C11orf54: variants seen among roughly 807,000 people sequenced by gnomAD.
C11orf54 encodes beta-keto-L-gulonate decarboxylase, also known as beta-keto L-gulonate decarboxylase.
In C11orf54, 29 loss-of-function variants were observed where a neutral mutation model predicts 35.5. The ratio of observed to expected loss-of-function variants is 0.82; its 90% confidence interval spans 0.61 to 1.11. The LOEUF is 1.11. Among genes scored for constraint, C11orf54 ranks in the 50% most tolerant of loss-of-function variants. The probability of loss-of-function intolerance (pLI) is 0.00; values close to 1 mark genes in which losing one functional copy is unlikely to be tolerated. For missense variants in C11orf54, 373 were observed against 369.2 expected, an observed-to-expected ratio of 1.01 and a Z score of -0.08; for synonymous variants, 108 against 121.1, an observed-to-expected ratio of 0.89 and a Z score of 0.71.
rs1943493753 is a variant in C11orf54 at position 93,761,810 on chromosome 11, C to G, written c.*122C>G. On this transcript the variant is annotated 3_prime_UTR_variant, in exon 9 of 9. Transcript: ENST00000354421. Reference sequence around the variant, plus strand: ...ACAGGCCAGGCACAATGGCTCATGCCTATAATCCCAGCACTTTGGGAGGCT... The same window carrying G: ...ACAGGCCAGGCACAATGGCTCATGCGTATAATCCCAGCACTTTGGGAGGCT... 5.1e-6 allele frequency: 5 copies of G among 979,824 alleles called. No individual in the cohort carries two copies. The East Asian group carries it at 1.5e-4, about 30-fold the overall frequency. 60.7% of individuals were successfully genotyped at this position (979,824 alleles called of 1,614,324 possible). A position where few individuals can be genotyped will look rare whatever the true frequency, so the allele number is the denominator to read the frequency against.
At chr11:93,750,023 A>G (rs1482573939) in intron 2 of C11orf54, among the ~76,000 whole-genome samples, 2 of 152,170 alleles carry the variant, frequency 1.3e-5, no homozygotes, top group Non-Finnish European at 2.9e-5. Context: ...TTACTTTTTA[A>G]AAAGTTTAAA....
At chr11:93,746,081 A>G (rs749985642) in intron 1 of C11orf54, 12 of 152,254 alleles carry the variant, frequency 7.9e-5, no homozygotes, top group Non-Finnish European at 1.6e-4. Context: ...ATAAAGTACT[A>G]AAGTAAATAT....
At position 93,759,856 on chromosome 11, in the gene C11orf54, C is replaced by A; in HGVS notation, c.772C>A (p.Pro258Thr). 6.5e-7 allele frequency: 1 copy of A among 1,548,230 alleles called. No individual in the cohort carries two copies. Among genetic ancestry groups the A allele is most frequent in the Non-Finnish European group, 8.9e-7 (1 of 1,125,936 alleles). Residue 258 changes from proline to threonine, a missense_variant and splice_region_variant, in exon 8 of 9, where the codon CCA becomes ACA. Coordinates refer to ENST00000354421, the MANE Select transcript of C11orf54 (RefSeq NM_001286069.2). ...VCLPVFVSRDPGFDLRLEHTH... is the reference protein window; with the variant it reads ...VCLPVFVSRDTGFDLRLEHTH... ...TCTACCAGTTTTTGTCTCCAGAGACCCAGTAAGTCTGTGTCTGTTTTTTAT... is the reference window on the plus strand; with the variant it reads ...TCTACCAGTTTTTGTCTCCAGAGACACAGTAAGTCTGTGTCTGTTTTTTAT...
intron 8 of C11orf54, 86 bp downstream of exon 8, chr11:93,759,944 TTTGTTG>T (rs932542987): frequency 6.2e-6 from 5 of 809,388 alleles, no homozygotes; most frequent in Middle Eastern, 2.5e-4. Flanking sequence ...CACTTTTGTG[TTTGTTG>T]TTGTTGTTGT....
chr11:93,743,669 C>T (rs562218865), intron 1 of C11orf54, among the ~76,000 whole-genome samples: 2 of 152,342 alleles, frequency 1.3e-5, no homozygotes, highest in Admixed American at 1.3e-4. Flanking sequence ...CCTGAAGACC[C>T]ACAGCCTGTC....
At chr11:93,760,357 G>C (rs1343896375) in intron 8 of C11orf54, among the ~76,000 whole-genome samples, 1 of 152,176 alleles carries the variant, frequency 6.6e-6, no homozygotes, top group Admixed American at 6.5e-5. Context: ...TTGAGAAAAT[G>C]AAGGCACAAG....
In C11orf54 at chr11:93,750,394, T is replaced by C. The variant is rs749635958; in HGVS notation, c.104T>C (p.Val35Ala). 1 of 1,613,896 alleles carries C rather than the reference T, an allele frequency of 6.2e-7. No homozygotes were observed. Among genetic ancestry groups the C allele is most frequent in the Non-Finnish European group, 8.5e-7 (1 of 1,179,892 alleles). The stretch of plus-strand genomic sequence containing the variant: ...AACTTTGCTGATGTCCAGGTCTCTG[T>C]AGTTGATTGCCCTGATTTGACTAAG... ...KDNFADVQVS[V>A]VDCPDLTKEP... Residue 35 changes from valine to alanine, a missense_variant, in exon 3 of 9, where the codon GTA becomes GCA. Coordinates refer to ENST00000354421, the MANE Select transcript of C11orf54 (RefSeq NM_001286069.2).
At chr11:93,757,608 C>T (rs915719483) in intron 7 of C11orf54, 143 bp downstream of exon 7, 1 of 842,864 alleles carries the variant, frequency 1.2e-6, no homozygotes, top group African/African-American at 1.7e-5. Context: ...TGGCTCACTG[C>T]AACCTCCATC....
At chr11:93,758,142 C>T (rs961220196) in intron 7 of C11orf54, among the ~76,000 whole-genome samples, 1 of 152,182 alleles carries the variant, frequency 6.6e-6, no homozygotes, top group Non-Finnish European at 1.5e-5. Flanking sequence ...ATGATGGCAG[C>T]GGCAGGCTCT....
At chr11:93,754,983 C>T (rs1565268359) in intron 5 of C11orf54, 10 of 355,536 alleles carry the variant, frequency 2.8e-5, no homozygotes, top group Non-Finnish European at 3.6e-5. Context: ...GTGATCCGCC[C>T]CCCTTGGCCT....
chr11:93,762,628 T>A lies in C11orf54; in HGVS notation c.*940T>A, dbSNP rs1410290877. ...TCTATTATTTAAAATGTTTCTTAAA[T>A]AAAAAAAACACAAACATTAGCAACT... On this transcript the variant is annotated 3_prime_UTR_variant, in exon 9 of 9. Coordinates refer to ENST00000354421, the MANE Select transcript of C11orf54 (RefSeq NM_001286069.2). The A allele has an allele frequency of 6.6e-6, 1 of 151,942 alleles. No individual in the cohort carries two copies. Among genetic ancestry groups the A allele is most frequent in the East Asian group, 1.9e-4 (1 of 5,188 alleles). The allele number at this position is 151,942 out of a possible 1,614,324, so 9.4% of individuals were successfully genotyped here.
intron 5 of C11orf54, among the ~76,000 whole-genome samples, chr11:93,754,338 G>A (rs1264460557): frequency 6.6e-6 from 1 of 152,184 alleles, no homozygotes; most frequent in Non-Finnish European, 1.5e-5. Context: ...AGGATTCCGA[G>A]CTTATCTATA....
chr11:93,743,297 G>A (rs376349150), intron 1 of C11orf54, among the ~76,000 whole-genome samples: 2 of 151,160 alleles, frequency 1.3e-5, no homozygotes, highest in Non-Finnish European at 2.9e-5. Flanking sequence ...CACCGCGCCC[G>A]GCCACATTTG....
rs1372544974 is a variant in C11orf54, at chr11:93,757,315, G to C, written c.508-1G>C. On this transcript the variant is annotated splice_acceptor_variant, in intron 6 of 8. Transcript: ENST00000354421. LOFTEE classifies it high-confidence loss of function. ...GGTATGCATCTTTATGTCCTCTATA[G>C]GTAATTGAGGTGAAAGCCAAAAGAA... is the stretch of plus-strand genomic sequence containing the variant. The C allele has an allele frequency of 6.3e-7, 1 of 1,597,374 alleles. No homozygotes were observed. Among genetic ancestry groups the C allele is most frequent in the African/African-American group, 1.3e-5 (1 of 74,834 alleles).
rs1210508995 is a variant in C11orf54, at chr11:93,756,167, C to CAAAAA, written c.507+800_507+804dup. ...GGGCAACAAAGCAAGACTCTGTCTCCAAAAAAAAAAAAAAAAAAAAAAAGA... is the reference window on the plus strand; with the variant it reads ...GGGCAACAAAGCAAGACTCTGTCTCCAAAAAAAAAAAAAAAAAAAAAAAAAAAAGA... On this transcript the variant is annotated intron_variant, in intron 6 of 8. Transcript: ENST00000354421. 1.5e-3 allele frequency among the ~76,000 whole-genome samples: 41 copies of CAAAAA among 26,952 alleles called. 1 individual carries two copies. Among genetic ancestry groups the CAAAAA allele is most frequent in the African/African-American group, 2.2e-3 (21 of 9,682 alleles). 17.7% of individuals were successfully genotyped at this position (26,952 alleles called of 152,430 possible).
At chr11:93,756,933 T>C (rs1393955285) in intron 6 of C11orf54, among the ~76,000 whole-genome samples, 1 of 152,150 alleles carries the variant, frequency 6.6e-6, no homozygotes, top group Non-Finnish European at 1.5e-5. Context: ...CATTTTCTCC[T>C]CATCCCCACT....
At chr11:93,743,047 G>A (rs1942216812) in intron 1 of C11orf54, 1 of 151,366 alleles carries the variant, frequency 6.6e-6, no homozygotes, top group Admixed American at 6.6e-5. Context: ...CGCCCAGGCT[G>A]GAGTGCAGTG....
intron 2 of C11orf54, among the ~76,000 whole-genome samples, chr11:93,748,845 AAAAAG>A (rs1292005741): frequency 6.6e-6 from 1 of 151,630 alleles, no homozygotes; most frequent in Non-Finnish European, 1.5e-5. Flanking sequence ...CAAAAAAAAA[AAAAAG>A]AAAGAAAGAA....
intron 3 of C11orf54, among the ~76,000 whole-genome samples, chr11:93,753,422 G>A (rs1357064745): frequency 6.6e-6 from 1 of 152,074 alleles, no homozygotes; most frequent in African/African-American, 2.4e-5. Context: ...CCAAACTTTG[G>A]CCCCAGTTCT....
Sources: allele counts gnomAD v4.1 joint callset (sites outside exome capture counted in the v4.1 genomes callset), GRCh38; gene constraint gnomAD v4.1.1; transcripts MANE v1.5; gene names NCBI Gene and HGNC (gene_info 2026-07-23, HGNC 2026-07-21).